The following BOC variants were observed in gnomAD, a reference collection of about 807,000 sequenced individuals.
BOC encodes brother of CDO.
In BOC, 76 loss-of-function variants were observed where a neutral mutation model predicts 112.0. That is an observed-to-expected ratio of 0.68 (90% CI 0.56 to 0.82). The LOEUF (loss-of-function observed/expected upper bound fraction) is 0.82, where lower values mean the gene tolerates loss of function less well. BOC is among the 40% of genes least tolerant of loss of function. The pLI, the probability that BOC is intolerant of heterozygous loss-of-function variation, is 0.00. For synonymous variants in BOC, 580 were observed against 599.8 expected (o/e 0.97, Z 0.48); for missense variants, 1,309 against 1,511.7 (o/e 0.87, Z 2.22).
intron 4 of BOC, among the ~76,000 whole-genome samples, chr3:113,263,306 G>A (rs1349457301): frequency 6.6e-6 from 1 of 152,232 alleles, no homozygotes; most frequent in African/African-American, 2.4e-5. Context: ...GGCTTGTCCT[G>A]TGATCCCCAG....
chr3:113,248,412 A>G (rs748324158), intron 2 of BOC, among the ~76,000 whole-genome samples: 4 of 152,176 alleles, frequency 2.6e-5, no homozygotes, highest in Non-Finnish European at 5.9e-5. Flanking sequence ...AATCTTCGAG[A>G]GAGTCTCTGG....
At chr3:113,242,050 G>A (rs544774915) in intron 2 of BOC, among the ~76,000 whole-genome samples, 1 of 151,642 alleles carries the variant, frequency 6.6e-6, no homozygotes, top group East Asian at 1.9e-4. Context: ...TCTGAATGAA[G>A]AGAGAGAAAT....
At chr3:113,221,748 AG>A (rs1188100648) in intron 2 of BOC, among the ~76,000 whole-genome samples, 2 of 152,218 alleles carry the variant, frequency 1.3e-5, no homozygotes, top group Non-Finnish European at 1.5e-5. Flanking sequence ...TTGAAACAAA[AG>A]CTAGAGAAGG....
intron 2 of BOC, among the ~76,000 whole-genome samples, chr3:113,234,487 T>G (rs1339122265): frequency 6.6e-6 from 1 of 152,240 alleles, no homozygotes; most frequent in Non-Finnish European, 1.5e-5. Context: ...CAGTTTATCT[T>G]GTAGCTTAAC....
chr3:113,262,521 G>C (rs895496134), intron 4 of BOC, among the ~76,000 whole-genome samples: 1 of 152,160 alleles, frequency 6.6e-6, no homozygotes, highest in Non-Finnish European at 1.5e-5. Flanking sequence ...GCTGCAGGGG[G>C]TCTATGTGCC....
chr3:113,217,159 A>T (rs2107582198), intron 2 of BOC, among the ~76,000 whole-genome samples: 2 of 152,304 alleles, frequency 1.3e-5, no homozygotes, highest in East Asian at 3.9e-4. Context: ...ACTGGCCTGA[A>T]GGGAAACGCA....
At position 113,278,259 on chromosome 3, in the gene BOC, TGA is replaced by T. The variant is rs764352835; in HGVS notation, c.1705+6_1705+7del. 6.2e-7 allele frequency: 1 copy of T among 1,614,064 alleles called. No homozygotes were observed. The highest frequency in any genetic ancestry group is 8.5e-7 in the Non-Finnish European group (1 of 1,179,934). ...CAGCCATGGTCACCTTCCGAACTGGTGAGAGTCAAACATTGCCCCTTGCTTAG... is the reference window on the plus strand; with the variant it reads ...CAGCCATGGTCACCTTCCGAACTGGTGAGTCAAACATTGCCCCTTGCTTAG... On this transcript the variant is annotated splice_donor_region_variant and intron_variant, in intron 10 of 19. Coordinates refer to ENST00000682979, the MANE Select transcript of BOC (RefSeq NM_001378074.1). This position sits in a 1 kb window ranked among gnomAD's most constrained non-coding sequence, Gnocchi z 4.2.
intron 2 of BOC, among the ~76,000 whole-genome samples, chr3:113,234,082 A>G (rs565876910): frequency 2.6e-5 from 4 of 152,296 alleles, no homozygotes; most frequent in East Asian, 1.9e-4. Context: ...AGTACCTGCT[A>G]TATGTTGAGG....
rs1455109531 is a variant in BOC, at chr3:113,278,160, C to G, written c.1608C>G (p.Thr536=). The G allele has an allele frequency of 6.2e-7, 1 of 1,614,130 alleles. No individual in the cohort carries two copies. The highest frequency in any genetic ancestry group is 8.5e-7 in the Non-Finnish European group (1 of 1,180,056). Reference sequence around the variant, plus strand: ...TTCCAGCCAACCAGCACCGCCTGACCCTCACCAGACTTGACCCCGGGAGCT... The same window carrying G: ...TTCCAGCCAACCAGCACCGCCTGACGCTCACCAGACTTGACCCCGGGAGCT... ...SGIPANQHRL[T]LTRLDPGSLY... Residue 536 remains threonine, a synonymous_variant, in exon 10 of 20, where the codon ACC becomes ACG. Transcript: ENST00000682979. The surrounding 1 kb of genome is among the most constrained non-coding windows in gnomAD (Gnocchi z 4.2).
At position 113,278,600 on chromosome 3, in the gene BOC, C is replaced by A; in HGVS notation, c.1706-73C>A. On this transcript the variant is annotated intron_variant, in intron 10 of 19. Transcript: ENST00000682979. This position sits in a 1 kb window ranked among gnomAD's most constrained non-coding sequence, Gnocchi z 4.2. ...TCATGCCGCTTAGCAGAGTCTCAGG[C>A]AAAAAGGACTCTGTGGGAGGGAGAT... is the stretch of plus-strand genomic sequence containing the variant. 2.3e-6 allele frequency: 3 copies of A among 1,322,560 alleles called. No homozygotes were observed. Among genetic ancestry groups the A allele is most frequent in the South Asian group, 1.3e-5 (1 of 78,320 alleles). The allele number at this position is 1,322,560 out of a possible 1,614,324, so 81.9% of individuals were successfully genotyped here.
At position 113,283,321 on chromosome 3, in the gene BOC, C is replaced by T. The variant is rs540434371; in HGVS notation, c.2435-90C>T. ...AGTGAGTCTGACCCCATTTCCCAAACCCATGGAATGGGGGTATTTTTTTTT... is the reference window on the plus strand; with the variant it reads ...AGTGAGTCTGACCCCATTTCCCAAATCCATGGAATGGGGGTATTTTTTTTT... On this transcript the variant is annotated intron_variant, in intron 15 of 19. Transcript: ENST00000682979. 4.1e-4 allele frequency: 546 copies of T among 1,342,478 alleles called. 1 individual carries two copies. Among genetic ancestry groups the T allele is most frequent in the South Asian group, 9.6e-4 (68 of 71,056 alleles). The allele number at this position is 1,342,478 out of a possible 1,614,324, so 83.2% of individuals were successfully genotyped here. A position where few individuals can be genotyped will look rare whatever the true frequency, so the allele number is the denominator to read the frequency against.
rs377078943 is a variant in BOC at position 113,284,875 on chromosome 3, C to A, written c.2966+17C>A. On this transcript the variant is annotated intron_variant, in intron 18 of 19. Transcript: ENST00000682979. ...GATCACGAGGTAACCAGGCCTCTCC[C>A]CTTTCACTCCCAAGCCCCACAGCCT... is the stretch of plus-strand genomic sequence containing the variant. 1 of 1,609,730 alleles carries A rather than the reference C, an allele frequency of 6.2e-7. No individual in the cohort carries two copies. The highest frequency in any genetic ancestry group is 8.5e-7 in the Non-Finnish European group (1 of 1,175,986).
chr3:113,237,096 T>C (rs914066569), intron 2 of BOC, among the ~76,000 whole-genome samples: 3 of 152,208 alleles, frequency 2.0e-5, no homozygotes, highest in African/African-American at 7.2e-5. Context: ...TAGACAAGCT[T>C]TGTCTATAAT....
chr3:113,217,323 C>T (rs1939604806), intron 2 of BOC, among the ~76,000 whole-genome samples: 1 of 152,220 alleles, frequency 6.6e-6, no homozygotes, highest in African/African-American at 2.4e-5. Flanking sequence ...CCAGGCCAGC[C>T]TGGGCAACAT....
At chr3:113,227,823 A>G (rs1470063577) in intron 2 of BOC, among the ~76,000 whole-genome samples, 1 of 152,012 alleles carries the variant, frequency 6.6e-6, no homozygotes, top group Admixed American at 6.6e-5. Flanking sequence ...AACCCCATGT[A>G]CCCATCACCC....
chr3:113,274,616 G>A lies in BOC; in HGVS notation c.1476G>A (p.Val492=). 1 of 1,611,784 alleles carries A rather than the reference G, an allele frequency of 6.2e-7. No homozygotes were observed. Among genetic ancestry groups the A allele is most frequent in the Non-Finnish European group, 8.5e-7 (1 of 1,178,506 alleles). ...CCAAGACAGACTCATATGAACTGGT[G>A]TGGCGGCCTCGGCATGAGGGCAGTG... ...RTSKTDSYEL[V]WRPRHEGSGR... Residue 492 remains valine (V), a synonymous_variant, in exon 9 of 20, where the codon GTG becomes GTA. Transcript: ENST00000682979. The surrounding 1 kb of genome is among the most constrained non-coding windows in gnomAD (Gnocchi z 4.8).
intron 2 of BOC, among the ~76,000 whole-genome samples, chr3:113,236,226 A>ATGTGTG (rs1179339047): frequency 5.0e-4 from 48 of 96,734 alleles, no homozygotes; most frequent in Non-Finnish European, 1.5e-4. Flanking sequence ...GTATATACGT[A>ATGTGTG]TATGTGTGTG....
At chr3:113,254,953 A>G (rs947082043) in intron 4 of BOC, among the ~76,000 whole-genome samples, 1 of 152,126 alleles carries the variant, frequency 6.6e-6, no homozygotes, top group Non-Finnish European at 1.5e-5. Context: ...ATGGAGCCAG[A>G]GGTCAAATCA....
rs575082204 is a variant in BOC, at chr3:113,272,228, G to T, written c.668-182G>T. ...ACAGCTCCCTGCAGAAGCAGTCCTT[G>T]TTTCTGATAAGGACACCAAGCCCCA... On this transcript the variant is annotated intron_variant, in intron 6 of 19. Coordinates refer to ENST00000682979, the MANE Select transcript of BOC (RefSeq NM_001378074.1). 137 of 650,448 alleles carry T rather than the reference G, an allele frequency of 2.1e-4. 2 individuals are homozygous for T. The African/African-American group carries it at 2.3e-3, about 11-fold the overall frequency. The allele number at this position is 650,448 out of a possible 1,614,324, so 40.3% of individuals were successfully genotyped here. A position where few individuals can be genotyped will look rare whatever the true frequency, so the allele number is the denominator to read the frequency against.
Sources: allele counts gnomAD v4.1 joint callset (sites outside exome capture counted in the v4.1 genomes callset), GRCh38; gene constraint gnomAD v4.1.1; non-coding constraint Gnocchi (gnomAD v3.1); transcripts MANE v1.5; gene names NCBI Gene and HGNC (gene_info 2026-07-23, HGNC 2026-07-21).